ULK4: variants seen among roughly 807,000 people sequenced by gnomAD.
ULK4 encodes the protein unc-51 like kinase 4.
In ULK4, 133 loss-of-function variants were observed where a neutral mutation model predicts 160.6. That is an observed-to-expected ratio of 0.83 (90% CI 0.72 to 0.96). The LOEUF (loss-of-function observed/expected upper bound fraction) is 0.96, where lower values mean the gene tolerates loss of function less well. Ranked by LOEUF, ULK4 falls within the 40% of genes least tolerant of loss-of-function variation. The pLI is 0.00. For missense variants in ULK4, 1,580 were observed against 1,499.5 expected (o/e 1.05, Z -0.89); for synonymous variants, 534 against 539.8 (o/e 0.99, Z 0.15).
chr3:41,518,801 A>T (rs2085835892), intron 32 of ULK4, among the ~76,000 whole-genome samples: 2 of 152,160 alleles, frequency 1.3e-5, no homozygotes, highest in South Asian at 2.1e-4. Flanking sequence ...CCACATTTCC[A>T]TCTTTATTTC....
intron 17 of ULK4, among the ~76,000 whole-genome samples, chr3:41,870,308 A>C (rs545341623): frequency 6.6e-6 from 1 of 152,232 alleles, no homozygotes; most frequent in South Asian, 2.1e-4. Flanking sequence ...TCATTCTTTC[A>C]TCTCCTTCTG....
At chr3:41,287,736 T>A (rs2079489474) in intron 35 of ULK4, among the ~76,000 whole-genome samples, 3 of 152,144 alleles carry the variant, frequency 2.0e-5, no homozygotes, top group Admixed American at 1.3e-4. Context: ...GTACTCACAG[T>A]GAAAACTTCA....
intron 17 of ULK4, among the ~76,000 whole-genome samples, chr3:41,851,092 T>G (rs879835972): frequency 2.0e-5 from 3 of 152,200 alleles, no homozygotes; most frequent in African/African-American, 7.2e-5. Flanking sequence ...TGATTGCCCT[T>G]GCCAGAATTT....
At chr3:41,516,029 G>A (rs2085737060) in intron 32 of ULK4, among the ~76,000 whole-genome samples, 1 of 152,006 alleles carries the variant, frequency 6.6e-6, no homozygotes, top group Non-Finnish European at 1.5e-5. Flanking sequence ...TAAATTGTAT[G>A]CTTAAAATTA....
chr3:41,652,047 A>T (rs1234409310), intron 30 of ULK4, among the ~76,000 whole-genome samples: 1 of 152,214 alleles, frequency 6.6e-6, no homozygotes, highest in African/African-American at 2.4e-5. Context: ...ATATGGATTC[A>T]AAAGTTTAAG....
At chr3:41,953,285 C>CATATATATAT (rs1553692179) in intron 2 of ULK4, among the ~76,000 whole-genome samples, 4 of 85,942 alleles carry the variant, frequency 4.7e-5, no homozygotes, top group African/African-American at 7.6e-5. Flanking sequence ...CATATATACA[C>CATATATATAT]ATATATATAT....
At chr3:41,707,638 C>T (rs769311584) in intron 25 of ULK4, among the ~76,000 whole-genome samples, 2 of 152,026 alleles carry the variant, frequency 1.3e-5, no homozygotes, top group Non-Finnish European at 2.9e-5. Context: ...TTGAGACCAG[C>T]TTGGGCAACA....
chr3:41,655,478 G>C (rs949778147), intron 30 of ULK4, among the ~76,000 whole-genome samples: 12 of 151,968 alleles, frequency 7.9e-5, no homozygotes, highest in Non-Finnish European at 1.6e-4. Context: ...GTATACATAT[G>C]TAACAAATCT....
chr3:41,619,682 CA>C (rs2033148287), intron 30 of ULK4, among the ~76,000 whole-genome samples: 1 of 152,012 alleles, frequency 6.6e-6, no homozygotes, highest in Non-Finnish European at 1.5e-5. Context: ...CTAAAATCGA[CA>C]CCCTAACATC....
intron 35 of ULK4, among the ~76,000 whole-genome samples, chr3:41,326,143 G>A (rs541530156): frequency 3.3e-5 from 5 of 152,066 alleles, no homozygotes; most frequent in Admixed American, 1.3e-4. Context: ...GGCAGGGGGG[G>A]GCTCCCCAAG....
chr3:41,593,898 C>A (rs72860689), intron 31 of ULK4, among the ~76,000 whole-genome samples: 1 of 151,240 alleles, frequency 6.6e-6, no homozygotes, highest in Non-Finnish European at 1.5e-5. Flanking sequence ...CCAGGTATCA[C>A]GGCATGTATC....
intron 5 of ULK4, among the ~76,000 whole-genome samples, chr3:41,929,436 C>G (rs534831441): frequency 6.6e-6 from 1 of 152,306 alleles, no homozygotes; most frequent in East Asian, 1.9e-4. Context: ...CGGCACAAGA[C>G]AAGGATAACC....
intron 35 of ULK4, among the ~76,000 whole-genome samples, chr3:41,331,086 C>A (rs1387197564): frequency 6.6e-6 from 1 of 152,200 alleles, no homozygotes; most frequent in Non-Finnish European, 1.5e-5. Flanking sequence ...GGCACAGTAG[C>A]CACTTGGGTG....
At chr3:41,856,569 ATATATGTG>A (rs1230675380) in intron 17 of ULK4, among the ~76,000 whole-genome samples, 2 of 85,696 alleles carry the variant, frequency 2.3e-5, no homozygotes, top group African/African-American at 7.0e-5. Context: ...ATACACATAT[ATATATGTG>A]TATATATATA....
intron 31 of ULK4, among the ~76,000 whole-genome samples, chr3:41,582,395 G>C (rs1371094732): frequency 1.3e-5 from 2 of 152,088 alleles, no homozygotes; most frequent in Non-Finnish European, 2.9e-5. Flanking sequence ...AAGTACCTAG[G>C]ATATTAATTT....
Position 41,715,283 on chromosome 3 carries a change from G to C in ULK4, c.2588C>G (p.Pro863Arg). The change falls in exon 25 of 37, where the codon CCT becomes CGT. Residue 863 changes from proline to arginine, a missense_variant. Pro to Arg is a moderately radical substitution (Grantham distance 103, BLOSUM62 -2). Transcript: ENST00000301831. ...AAGAAACTCTTCTGTCACAACTTGA[G>C]GTCGAAATACCTGTGTGATGAGAGT... Reference protein sequence around the residue: ...LHLVTSQVFRPQVVTEEFLFS... With the variant: ...LHLVTSQVFRRQVVTEEFLFS... 2 of 1,613,768 alleles carry C rather than the reference G, an allele frequency of 1.2e-6. No individual in the cohort carries two copies. Among genetic ancestry groups the C allele is most frequent in the South Asian group, 1.1e-5 (1 of 91,052 alleles).
chr3:41,533,480 G>A (rs773498636), intron 32 of ULK4, among the ~76,000 whole-genome samples: 15 of 152,188 alleles, frequency 9.9e-5, no homozygotes, highest in East Asian at 3.9e-4. Context: ...ATATGTTGAC[G>A]CGTGAAGATT....
chr3:41,331,129 T>A (rs1327413555), intron 35 of ULK4, among the ~76,000 whole-genome samples: 1 of 152,162 alleles, frequency 6.6e-6, no homozygotes, highest in Non-Finnish European at 1.5e-5. Context: ...CCAACTTGGA[T>A]ATCTGTTAGC....
chr3:41,925,382 A>T (rs988191253), intron 5 of ULK4, among the ~76,000 whole-genome samples: 3 of 152,096 alleles, frequency 2.0e-5, no homozygotes, highest in African/African-American at 7.2e-5. Flanking sequence ...CACATACTGC[A>T]TTTTTCCCAC....
Sources: allele counts gnomAD v4.1 joint callset (sites outside exome capture counted in the v4.1 genomes callset), GRCh38; gene constraint gnomAD v4.1.1; transcripts MANE v1.5; gene names NCBI Gene and HGNC (gene_info 2026-07-23, HGNC 2026-07-21).